PKIB: variants seen among roughly 807,000 people sequenced by gnomAD.
PKIB encodes cAMP-dependent protein kinase inhibitor beta.
A neutral mutation model predicts 4.5 loss-of-function variants in PKIB; 2 were observed. That is an observed-to-expected ratio of 0.44 (90% CI 0.18 to 1.39). The LOEUF (loss-of-function observed/expected upper bound fraction) is 1.39, where lower values mean the gene tolerates loss of function less well. PKIB is among the 40% of genes most tolerant of loss of function. PKIB has a pLI of 0.27. For synonymous variants in PKIB, 38 were observed against 36.0 expected, an observed-to-expected ratio of 1.06 and a Z score of -0.20; for missense variants, 94 against 92.6, an observed-to-expected ratio of 1.02 and a Z score of -0.06.
At chr6:122,677,710 C>A (rs1034355373) in intron 3 of PKIB, among the ~76,000 whole-genome samples, 6 of 152,196 alleles carry the variant, frequency 3.9e-5, no homozygotes, top group South Asian at 4.1e-4. Context: ...AGATTTGCCC[C>A]AAGGCCCCCG....
intron 1 of PKIB, among the ~76,000 whole-genome samples, chr6:122,629,719 TG>T (rs1004642541): frequency 6.6e-6 from 1 of 152,192 alleles, no homozygotes; most frequent in African/African-American, 2.4e-5. Flanking sequence ...TTTTCCTCTG[TG>T]GTCTTCCTCC....
At chr6:122,592,513 A>G (rs1774049398) in intron 3 of PKIB, among the ~76,000 whole-genome samples, 1 of 152,224 alleles carries the variant, frequency 6.6e-6, no homozygotes, top group Non-Finnish European at 1.5e-5. Context: ...TTCAGTCAAG[A>G]GATCAGGAAC....
intron 2 of PKIB, among the ~76,000 whole-genome samples, chr6:122,549,796 A>C (rs1772615142): frequency 6.7e-6 from 1 of 148,848 alleles, no homozygotes; most frequent in East Asian, 1.9e-4. Flanking sequence ...TCTTCCTTTT[A>C]TGTTACCATA....
chr6:122,511,970 A>G (rs893057315), intron 2 of PKIB, among the ~76,000 whole-genome samples: 13 of 152,182 alleles, frequency 8.5e-5, no homozygotes, highest in African/African-American at 2.2e-4. Flanking sequence ...CACTCTGAGC[A>G]TGGGAACATG....
At chr6:122,711,080 CT>C (rs1562314887) in intron 3 of PKIB, among the ~76,000 whole-genome samples, 1 of 151,950 alleles carries the variant, frequency 6.6e-6, no homozygotes, top group Non-Finnish European at 1.5e-5. Context: ...TTATATTCAT[CT>C]AAAGGAGAAG....
At chr6:122,641,427 T>C (rs1776116396) in intron 2 of PKIB, among the ~76,000 whole-genome samples, 2 of 152,152 alleles carry the variant, frequency 1.3e-5, no homozygotes, top group African/African-American at 4.8e-5. Context: ...GCTTTATATA[T>C]TACCAGTGCT....
At chr6:122,605,722 A>G (rs1774508813), upstream of PKIB, among the ~76,000 whole-genome samples, 3 of 151,752 alleles carry the variant, frequency 2.0e-5, no homozygotes, top group African/African-American at 7.3e-5. Context: ...TTGTAACCAC[A>G]CTTCTCACTG....
chr6:122,552,720 C>A (rs1411925040), intron 2 of PKIB, among the ~76,000 whole-genome samples: 2 of 152,146 alleles, frequency 1.3e-5, no homozygotes, highest in Non-Finnish European at 2.9e-5. Flanking sequence ...AGTCTGCTAT[C>A]TCCCTAGAAA....
At chr6:122,588,992 G>A (rs1773935636) in intron 3 of PKIB, among the ~76,000 whole-genome samples, 1 of 152,082 alleles carries the variant, frequency 6.6e-6, no homozygotes, top group African/African-American at 2.4e-5. Flanking sequence ...TATAACTCTA[G>A]ACTACAGGAT....
At chr6:122,678,615 G>A (rs1027906977) in intron 3 of PKIB, among the ~76,000 whole-genome samples, 5 of 152,116 alleles carry the variant, frequency 3.3e-5, no homozygotes, top group Non-Finnish European at 4.4e-5. Context: ...TTCTCTGTCC[G>A]AAGAGCAGTC....
chr6:122,700,192 T>TTGG, intron 3 of PKIB, among the ~76,000 whole-genome samples: 1 of 131,440 alleles, frequency 7.6e-6, no homozygotes, highest in East Asian at 2.4e-4. Context: ...GTTGTTGTTG[T>TTGG]TGGTTCCTCC....
At chr6:122,517,056 A>G (rs1776780746) in intron 2 of PKIB, among the ~76,000 whole-genome samples, 1 of 152,206 alleles carries the variant, frequency 6.6e-6, no homozygotes, top group Non-Finnish European at 1.5e-5. Flanking sequence ...TCAGCTTTTT[A>G]GAGGTTAAAT....
chr6:122,526,681 G>T, intron 2 of PKIB, among the ~76,000 whole-genome samples: 1 of 152,168 alleles, frequency 6.6e-6, no homozygotes, highest in Admixed American at 6.6e-5. Context: ...AGGCTTTGTT[G>T]TTTCATTTAT....
chr6:122,576,168 C>T (rs1773523229), intron 2 of PKIB, among the ~76,000 whole-genome samples: 1 of 152,162 alleles, frequency 6.6e-6, no homozygotes. Flanking sequence ...TTACATGGTT[C>T]TTTTAATTTG....
At position 122,725,689 on chromosome 6, in the gene PKIB, C is replaced by G. The variant is rs1458231440; in HGVS notation, c.*494C>G. Reference sequence around the variant, plus strand: ...TGTGTTTGTTTTTTGCCAAAAATGCCCCAGACTTTTTCCCAAACCTCAAAA... The same window carrying G: ...TGTGTTTGTTTTTTGCCAAAAATGCGCCAGACTTTTTCCCAAACCTCAAAA... On this transcript the variant is annotated 3_prime_UTR_variant, in exon 5 of 5. Coordinates refer to ENST00000368452, the MANE Select transcript of PKIB (RefSeq NM_181795.3). 6.6e-6 allele frequency: 1 copy of G among 151,998 alleles called. No homozygotes were observed. The highest frequency in any genetic ancestry group is 2.4e-5 in the African/African-American group (1 of 41,356). The allele number at this position is 151,998 out of a possible 1,614,324, so 9.4% of individuals were successfully genotyped here. A position where few individuals can be genotyped will look rare whatever the true frequency, so the allele number is the denominator to read the frequency against.
At chr6:122,687,889 A>G (rs1003763419) in intron 3 of PKIB, among the ~76,000 whole-genome samples, 2 of 152,048 alleles carry the variant, frequency 1.3e-5, no homozygotes, top group African/African-American at 4.8e-5. Context: ...AGATCATATC[A>G]TCTGCACACA....
intron 2 of PKIB, among the ~76,000 whole-genome samples, chr6:122,637,617 G>A (rs971155358): frequency 1.4e-4 from 21 of 151,966 alleles, no homozygotes; most frequent in Non-Finnish European, 2.6e-4. Context: ...TTAGCTGGGC[G>A]TGGTGGCAGG....
intron 3 of PKIB, among the ~76,000 whole-genome samples, chr6:122,588,893 A>C (rs1227229769): frequency 6.6e-6 from 1 of 152,194 alleles, no homozygotes; most frequent in Non-Finnish European, 1.5e-5. Flanking sequence ...AATCAGCAGC[A>C]GAAAGGGTTA....
At chr6:122,647,582 T>C (rs746609882) in intron 2 of PKIB, among the ~76,000 whole-genome samples, 18 of 152,238 alleles carry the variant, frequency 1.2e-4, no homozygotes, top group Non-Finnish European at 1.9e-4. Flanking sequence ...TAGAAGAGGA[T>C]GCAATGTCAT....
Sources: gnomAD v4.1 joint callset for allele counts (sites outside exome capture counted in the v4.1 genomes callset) on GRCh38, gnomAD v4.1.1 for gene constraint, MANE v1.5 for transcripts, NCBI Gene and HGNC (gene_info 2026-07-23, HGNC 2026-07-21) for gene names.